Variants in PPARGC1B observed in about 807,000 individuals in gnomAD.
PPARGC1B encodes PPARG coactivator 1 beta.
PPARGC1B carries 34 observed loss-of-function variants against 101.6 expected under a neutral mutation model. That is an observed-to-expected ratio of 0.33 (90% CI 0.25 to 0.45). The LOEUF is 0.45. Among genes scored for constraint, PPARGC1B ranks in the 20% least tolerant of loss-of-function variants. PPARGC1B has a pLI of 1.00. For synonymous variants in PPARGC1B, 548 were observed against 539.3 expected, an observed-to-expected ratio of 1.02 and a Z score of -0.22; for missense variants, 1,234 against 1,317.6, an observed-to-expected ratio of 0.94 and a Z score of 0.98.
At chr5:149,828,277 G>C (rs1243400501) in intron 3 of PPARGC1B, among the ~76,000 whole-genome samples, 1 of 152,172 alleles carries the variant, frequency 6.6e-6, no homozygotes, top group Non-Finnish European at 1.5e-5. Context: ...CTTCATTTCA[G>C]ACTGGAATCG....
rs982540775 is a variant in PPARGC1B at position 149,850,241 on chromosome 5, G to C, written c.*2683G>C. The stretch of plus-strand genomic sequence containing the variant: ...TGGTCAAAGGGTCAGCCTTGGGCTG[G>C]TGATACTTTAGAGTAAAGAAATGGA... On this transcript the variant is annotated 3_prime_UTR_variant, in exon 12 of 12. Coordinates refer to ENST00000309241, the MANE Select transcript of PPARGC1B (RefSeq NM_133263.4). 1.3e-5 allele frequency: 2 copies of C among 152,272 alleles called. No homozygotes were observed. Among genetic ancestry groups the C allele is most frequent in the African/African-American group, 4.8e-5 (2 of 41,458 alleles). The allele number at this position is 152,272 out of a possible 1,614,324, so 9.4% of individuals were successfully genotyped here.
chr5:149,827,329 CT>C (rs761861220), intron 3 of PPARGC1B, among the ~76,000 whole-genome samples: 262 of 152,286 alleles, frequency 1.7e-3, no homozygotes, highest in Non-Finnish European at 2.6e-3. Context: ...CCTCTTCTAC[CT>C]TTTAAAAGAT....
intron 5 of PPARGC1B, among the ~76,000 whole-genome samples, 171 bp from the exon 6 acceptor site, chr5:149,834,503 G>A (rs906138170): frequency 6.6e-6 from 1 of 152,244 alleles, no homozygotes; most frequent in Non-Finnish European, 1.5e-5. Flanking sequence ...TAGGATGGAA[G>A]GTGGATTTGA....
intron 1 of PPARGC1B, among the ~76,000 whole-genome samples, chr5:149,794,634 GTGCCTGTTGCCTT>G (rs1581061269): frequency 6.6e-6 from 1 of 152,290 alleles, no homozygotes; most frequent in East Asian, 1.9e-4. Context: ...TGTCTTTTCT[GTGCCTGTTGCCTT>G]TGAGGCAGGA....
Position 149,734,365 on chromosome 5 carries a change from T to C in PPARGC1B, c.78+3945T>C, listed in dbSNP as rs530426996. On this transcript the variant is annotated intron_variant, in intron 1 of 11. Coordinates refer to ENST00000309241, the MANE Select transcript of PPARGC1B (RefSeq NM_133263.4). ...AAAAAAGGAGTTATCCTGAATATAC[T>C]GATTTGTAACTTGGAATTGCACTGT... is the stretch of plus-strand genomic sequence containing the variant. Among the ~76,000 whole-genome samples, 4 of 148,020 alleles carry C rather than the reference T, an allele frequency of 2.7e-5. No individual in the cohort carries two copies. In the East Asian group the frequency reaches 7.8e-4, roughly 29 times the overall value.
chr5:149,765,075 C>T (rs945908390), intron 1 of PPARGC1B, among the ~76,000 whole-genome samples: 3 of 151,542 alleles, frequency 2.0e-5, no homozygotes, highest in African/African-American at 7.3e-5. Context: ...TTTACCAACT[C>T]CCTGGGGTGG....
intron 1 of PPARGC1B, among the ~76,000 whole-genome samples, chr5:149,772,952 A>T (rs1375898576): frequency 2.6e-5 from 4 of 152,188 alleles, no homozygotes; most frequent in Non-Finnish European, 5.9e-5. Flanking sequence ...TACTGTGAAC[A>T]TACCTGGTGC....
intron 8 of PPARGC1B, 38 bp from the exon 9 acceptor site, chr5:149,840,003 C>T (rs1219330926): frequency 1.7e-5 from 27 of 1,607,490 alleles, no homozygotes; most frequent in Non-Finnish European, 2.0e-5. Context: ...TGGTATCTCC[C>T]GAGAGTGAGT....
chr5:149,743,053 C>A (rs928261970), intron 1 of PPARGC1B, among the ~76,000 whole-genome samples: 6 of 152,086 alleles, frequency 3.9e-5, no homozygotes, highest in African/African-American at 1.4e-4. Context: ...TATTCAGGGC[C>A]CACTGTGTGC....
Position 149,852,303 on chromosome 5 carries a change from T to G in PPARGC1B, c.*4745T>G, listed in dbSNP as rs1258321535. The G allele has an allele frequency of 6.6e-6, 1 of 152,188 alleles. No homozygotes were observed. Among genetic ancestry groups the G allele is most frequent in the Non-Finnish European group, 1.5e-5 (1 of 68,044 alleles). The allele number at this position is 152,188 out of a possible 1,614,324, so 9.4% of individuals were successfully genotyped here. A position where few individuals can be genotyped will look rare whatever the true frequency, so the allele number is the denominator to read the frequency against. On this transcript the variant is annotated 3_prime_UTR_variant, in exon 12 of 12. Coordinates refer to ENST00000309241, the MANE Select transcript of PPARGC1B (RefSeq NM_133263.4). The stretch of plus-strand genomic sequence containing the variant: ...GGCCCCTGTTTCCTCATCTACCAAA[T>G]GAGAATGTTGAATATGAGCATTAAA...
At chr5:149,763,250 C>T (rs1401511608) in intron 1 of PPARGC1B, among the ~76,000 whole-genome samples, 2 of 152,346 alleles carry the variant, frequency 1.3e-5, no homozygotes, top group East Asian at 1.9e-4. Context: ...CATCGTGGCC[C>T]CAGGTTCTTG....
chr5:149,746,412 T>C (rs181515020), intron 1 of PPARGC1B, among the ~76,000 whole-genome samples: 119 of 152,256 alleles, frequency 7.8e-4, no homozygotes, highest in Non-Finnish European at 1.5e-3. Context: ...GGCTCATCTC[T>C]ATTGGGGCAA....
Position 149,833,654 on chromosome 5 carries a change from C to T in PPARGC1B, c.1581C>T (p.Asp527=), listed in dbSNP as rs12659862. 1,772 of 1,610,040 alleles carry T rather than the reference C, an allele frequency of 1.1e-3. 39 individuals carry two copies. The East Asian group carries it at 0.03, about 27-fold the overall frequency. ...DVERELGSPT[D]EDSGQDQQLL... ...AGCGGGAGCTGGGCAGCCCCACGGA[C>T]GAGGACAGTGGCCAAGACCAGCAGC... The change falls in exon 5 of 12, where the codon GAC becomes GAT. Residue 527 remains aspartate, a synonymous_variant. Transcript: ENST00000309241. This position sits in a 1 kb window ranked among gnomAD's most constrained non-coding sequence, Gnocchi z 4.1.
At chr5:149,840,174 G>T in intron 9 of PPARGC1B, 58 bp downstream of exon 9, 1 of 1,517,750 alleles carries the variant, frequency 6.6e-7, no homozygotes, top group South Asian at 1.3e-5. Flanking sequence ...GAAGTGTGTG[G>T]GGGCTTCATG....
rs139347692 is a variant in PPARGC1B at position 149,824,232 on chromosome 5, C to T, written c.253-2441C>T. ...TGATAATTCACAATATCTCTGGGCC[C>T]TTGGTACTCTCCCTGGGAAAGAGTG... On this transcript the variant is annotated intron_variant, in intron 2 of 11. Transcript: ENST00000309241. 5.6e-3 allele frequency among the ~76,000 whole-genome samples: 853 copies of T among 152,176 alleles called. 8 individuals are homozygous for T. Among genetic ancestry groups the T allele is most frequent in the African/African-American group, 0.019 (802 of 41,444 alleles).
intron 1 of PPARGC1B, among the ~76,000 whole-genome samples, chr5:149,736,797 A>G (rs996601403): frequency 4.6e-5 from 7 of 152,088 alleles, no homozygotes; most frequent in African/African-American, 1.7e-4. Context: ...TTTCAGGTTC[A>G]CAGCAAAATT....
At chr5:149,815,108 A>C (rs1040266660) in intron 1 of PPARGC1B, among the ~76,000 whole-genome samples, 1 of 152,216 alleles carries the variant, frequency 6.6e-6, no homozygotes, top group Non-Finnish European at 1.5e-5. Context: ...TCCTGGCTTC[A>C]CAGGGAGAGA....
intron 9 of PPARGC1B, among the ~76,000 whole-genome samples, chr5:149,840,517 C>T (rs1027942883): frequency 3.9e-5 from 6 of 152,104 alleles, no homozygotes; most frequent in Non-Finnish European, 7.4e-5. Context: ...CCAGCTACCC[C>T]GAGCCTCACT....
rs554644766 is a variant in PPARGC1B at position 149,837,268 on chromosome 5, A to T, written c.2618+195A>T. Among the ~76,000 whole-genome samples the T allele has an allele frequency of 1.6e-4, 25 of 152,304 alleles. No homozygotes were observed. In the South Asian group the frequency reaches 5.2e-3, roughly 32 times the overall value. On this transcript the variant is annotated intron_variant, in intron 8 of 11. Transcript: ENST00000309241. This position sits in a 1 kb window ranked among gnomAD's most constrained non-coding sequence, Gnocchi z 4.2. ...GCAGTTGTGGGTGAGTTCTGGAGGC[A>T]GGCACAGCCTGGTCTGTGAAATCGA...
Sources: allele counts gnomAD v4.1 joint callset (sites outside exome capture counted in the v4.1 genomes callset), GRCh38; gene constraint gnomAD v4.1.1; non-coding constraint Gnocchi (gnomAD v3.1); transcripts MANE v1.5; gene names NCBI Gene and HGNC (gene_info 2026-07-23, HGNC 2026-07-21).